The following PPP1R12B variants were observed in gnomAD, a reference collection of about 807,000 sequenced individuals.
The protein encoded by PPP1R12B is myosin phosphatase target subunit 2.
PPP1R12B carries 76 observed loss-of-function variants against 126.1 expected under a neutral mutation model. The ratio of observed to expected loss-of-function variants is 0.60; its 90% confidence interval spans 0.50 to 0.73. The LOEUF is 0.73. Among genes scored for constraint, PPP1R12B ranks in the 30% least tolerant of loss-of-function variants. The pLI is 0.00. For synonymous variants in PPP1R12B, 356 were observed against 434.7 expected, an observed-to-expected ratio of 0.82 and a Z score of 2.25; for missense variants, 1,052 against 1,205.1, an observed-to-expected ratio of 0.87 and a Z score of 1.88.
At chr1:202,462,489 C>A (rs1674442054) in intron 13 of PPP1R12B, among the ~76,000 whole-genome samples, 1 of 152,120 alleles carries the variant, frequency 6.6e-6, no homozygotes, top group Non-Finnish European at 1.5e-5. Context: ...GACAAGAATC[C>A]ATTTCCTTAT....
chr1:202,565,162 TTGATTTA>T lies in PPP1R12B; in HGVS notation c.2757+616_2757+622del, dbSNP rs1268514097. Among the ~76,000 whole-genome samples, 2 of 152,228 alleles carry T rather than the reference TTGATTTA, an allele frequency of 1.3e-5. No homozygotes were observed. Among genetic ancestry groups the T allele is most frequent in the Non-Finnish European group, 2.9e-5 (2 of 68,042 alleles). ...AAACTATTTCCTCTCACTGCCAGGT[TTGATTTA>T]ATTAGATGATGCTTTAGAGGATGCT... is the stretch of plus-strand genomic sequence containing the variant. On this transcript the variant is annotated intron_variant, in intron 21 of 23. Coordinates refer to ENST00000608999, the MANE Select transcript of PPP1R12B (RefSeq NM_002481.4). This position sits in a 1 kb window ranked among gnomAD's most constrained non-coding sequence, Gnocchi z 4.3.
At chr1:202,471,583 T>G (rs1359460310) in intron 13 of PPP1R12B, among the ~76,000 whole-genome samples, 2 of 151,608 alleles carry the variant, frequency 1.3e-5, no homozygotes, top group East Asian at 3.9e-4. Context: ...ATGTTTTTTT[T>G]TTTTTTTTTT....
intron 18 of PPP1R12B, among the ~76,000 whole-genome samples, chr1:202,556,583 G>C (rs1177798400): frequency 6.6e-6 from 1 of 152,080 alleles, no homozygotes; most frequent in Admixed American, 6.5e-5. Context: ...TCTCTAATAT[G>C]ATCTTCCCAA....
rs1661762485 is a variant in PPP1R12B, at chr1:202,379,030, T to A, written c.291+29888T>A. The stretch of plus-strand genomic sequence containing the variant: ...AACCTTACCCACTCCCATGGCCTCA[T>A]CCCTCATTATGTACTAATGATGTCG... On this transcript the variant is annotated intron_variant, in intron 1 of 23. Coordinates refer to ENST00000608999, the MANE Select transcript of PPP1R12B (RefSeq NM_002481.4). Among the ~76,000 whole-genome samples, 4 of 152,162 alleles carry A rather than the reference T, an allele frequency of 2.6e-5. No homozygotes were observed. In the South Asian group the frequency reaches 8.3e-4, roughly 32 times the overall value.
intron 13 of PPP1R12B, among the ~76,000 whole-genome samples, chr1:202,468,506 T>G (rs1189773439): frequency 6.6e-6 from 1 of 152,226 alleles, no homozygotes; most frequent in African/African-American, 2.4e-5. Flanking sequence ...ATCATCCCCT[T>G]GCAACATTTT....
chr1:202,397,152 T>A (rs1367264228), intron 1 of PPP1R12B, among the ~76,000 whole-genome samples: 1 of 152,292 alleles, frequency 6.6e-6, no homozygotes. Context: ...TCTCATTTCC[T>A]TTCACTCTTC....
In PPP1R12B at chr1:202,589,863, G is replaced by C. The variant is rs936466832; in HGVS notation, c.*9303G>C. 4 of 152,290 alleles carry C rather than the reference G, an allele frequency of 2.6e-5. No individual in the cohort carries two copies. Among genetic ancestry groups the C allele is most frequent in the Non-Finnish European group, 5.9e-5 (4 of 68,148 alleles). 9.4% of individuals were successfully genotyped at this position (152,290 alleles called of 1,614,324 possible). On this transcript the variant is annotated 3_prime_UTR_variant, in exon 24 of 24. Transcript: ENST00000608999. ...TGCATTCACTGCCCCCATGCCTTTGGACCTGATGGACAAGCACACATCTAG... is the reference window on the plus strand; with the variant it reads ...TGCATTCACTGCCCCCATGCCTTTGCACCTGATGGACAAGCACACATCTAG...
Position 202,508,744 on chromosome 1 carries a change from TG to T in PPP1R12B, c.2490+11923del, listed in dbSNP as rs1681097647. Among the ~76,000 whole-genome samples the T allele has an allele frequency of 6.6e-6, 1 of 152,214 alleles. No homozygotes were observed. Among genetic ancestry groups the T allele is most frequent in the South Asian group, 2.1e-4 (1 of 4,834 alleles). ...GGTATAGCTACTACTTGCTGGCTGT[TG>T]TGAAGAGTCAACACTCTGCCTTTCT... On this transcript the variant is annotated intron_variant, in intron 18 of 23. Coordinates refer to ENST00000608999, the MANE Select transcript of PPP1R12B (RefSeq NM_002481.4). The surrounding 1 kb of genome is among the most constrained non-coding windows in gnomAD (Gnocchi z 4.5).
chr1:202,427,355 A>G (rs1305663044), intron 5 of PPP1R12B, among the ~76,000 whole-genome samples, 171 bp downstream of exon 5: 10 of 152,092 alleles, frequency 6.6e-5, no homozygotes, highest in Non-Finnish European at 1.2e-4. Flanking sequence ...ACACAGAGTT[A>G]TGTTTGTTAT....
chr1:202,451,519 G>A (rs1048059959), intron 13 of PPP1R12B, among the ~76,000 whole-genome samples: 1 of 150,674 alleles, frequency 6.6e-6, no homozygotes, highest in African/African-American at 2.4e-5. Context: ...TCCCAAGGCA[G>A]AAGAATTTTT....
At chr1:202,421,410 G>A (rs1024211204) in intron 2 of PPP1R12B, among the ~76,000 whole-genome samples, 1 of 151,254 alleles carries the variant, frequency 6.6e-6, no homozygotes, top group Non-Finnish European at 1.5e-5. Flanking sequence ...GCCGAGGCGG[G>A]CGGACTACTT....
At position 202,542,540 on chromosome 1, in the gene PPP1R12B, A is replaced by G. The variant is rs542112641; in HGVS notation, c.2491-16337A>G. 1.2e-3 allele frequency among the ~76,000 whole-genome samples: 180 copies of G among 152,356 alleles called. 1 individual carries two copies. The highest frequency in any genetic ancestry group is 2.1e-3 in the Non-Finnish European group (141 of 68,040). ...ATGCTAAAGGGCAAAGATGACAGTT[A>G]AAAGCTTAAGTAGCTGTGGGAGTCC... On this transcript the variant is annotated intron_variant, in intron 18 of 23. Coordinates refer to ENST00000608999, the MANE Select transcript of PPP1R12B (RefSeq NM_002481.4).
intron 3 of PPP1R12B, 127 bp from the exon 4 acceptor site, chr1:202,425,439 A>C (rs781208842): frequency 8.6e-5 from 89 of 1,034,986 alleles, no homozygotes; most frequent in Non-Finnish European, 1.2e-4. Context: ...TTTGATAATT[A>C]CCCAACTTGA....
At position 202,534,920 on chromosome 1, in the gene PPP1R12B, G is replaced by A. The variant is rs1283375772; in HGVS notation, c.2491-23957G>A. 4.6e-5 allele frequency among the ~76,000 whole-genome samples: 7 copies of A among 151,998 alleles called. No individual in the cohort carries two copies. In the East Asian group the frequency reaches 1.3e-3, roughly 29 times the overall value. ...AACTGATATTTAAGCTCTTTTTTCA[G>A]ATTTTCATTTGGATTCTTACATATA... On this transcript the variant is annotated intron_variant, in intron 18 of 23. Coordinates refer to ENST00000608999, the MANE Select transcript of PPP1R12B (RefSeq NM_002481.4).
At position 202,561,705 on chromosome 1, in the gene PPP1R12B, AAAG is replaced by A. The variant is rs535190589; in HGVS notation, c.2508-1064_2508-1062del. Among the ~76,000 whole-genome samples the A allele has an allele frequency of 2.5e-3, 381 of 152,336 alleles. 3 individuals are homozygous for A. Among genetic ancestry groups the A allele is most frequent in the African/African-American group, 8.9e-3 (369 of 41,570 alleles). ...CTCAATAAAGAGATTTCTATTAACA[AAAG>A]AAGAAGAAAAAGAATGTTTTGAAGA... On this transcript the variant is annotated intron_variant, in intron 19 of 23. Transcript: ENST00000608999.
chr1:202,437,319 G>A (rs535214083), intron 9 of PPP1R12B, among the ~76,000 whole-genome samples: 27 of 151,978 alleles, frequency 1.8e-4, no homozygotes, highest in Non-Finnish European at 3.1e-4. Context: ...TGATAAGAGT[G>A]AGACCCTACT....
chr1:202,369,010 G>A lies in PPP1R12B; in HGVS notation c.291+19868G>A, dbSNP rs1659767868. ...TGTGATTACAGGCATGAGCCACTAT[G>A]CCCAGCCAAGGAACCATTTTAGACA... On this transcript the variant is annotated intron_variant, in intron 1 of 23. Coordinates refer to ENST00000608999, the MANE Select transcript of PPP1R12B (RefSeq NM_002481.4). 2.6e-5 allele frequency among the ~76,000 whole-genome samples: 4 copies of A among 152,182 alleles called. No individual in the cohort carries two copies. In the South Asian group the frequency reaches 8.3e-4, roughly 32 times the overall value.
chr1:202,353,791 T>C lies in PPP1R12B; in HGVS notation c.291+4649T>C, dbSNP rs116313855. 3.0e-3 allele frequency among the ~76,000 whole-genome samples: 450 copies of C among 152,092 alleles called. 3 individuals carry two copies. The highest frequency in any genetic ancestry group is 0.01 in the African/African-American group (433 of 41,482). On this transcript the variant is annotated intron_variant, in intron 1 of 23. Transcript: ENST00000608999. ...ATACCCAGCTAATTTTTAAAATTTT[T>C]TGTAGACAAGGGGGTCTCACTATGT...
chr1:202,367,715 T>A (rs1659485817), intron 1 of PPP1R12B, among the ~76,000 whole-genome samples: 1 of 152,324 alleles, frequency 6.6e-6, no homozygotes, highest in Non-Finnish European at 1.5e-5. Flanking sequence ...CTCATTTTTT[T>A]AAATTGAGGT....
Sources: gnomAD v4.1 joint callset for allele counts (sites outside exome capture counted in the v4.1 genomes callset) on GRCh38, gnomAD v4.1.1 for gene constraint, Gnocchi (gnomAD v3.1) non-coding constraint, MANE v1.5 for transcripts, NCBI Gene and HGNC (gene_info 2026-07-23, HGNC 2026-07-21) for gene names.